PTN: variants seen among roughly 807,000 people sequenced by gnomAD.
PTN encodes the protein pleiotrophin.
In PTN, 18 loss-of-function variants were observed where a neutral mutation model predicts 24.1. That is an observed-to-expected ratio of 0.75 (90% CI 0.52 to 1.11). The LOEUF (loss-of-function observed/expected upper bound fraction) is 1.11. Among genes scored for constraint, PTN ranks in the 50% least tolerant of loss-of-function variants. The probability of loss-of-function intolerance (pLI) is 0.00; values close to 1 mark genes in which losing one functional copy is unlikely to be tolerated. For missense variants in PTN, 163 were observed against 198.8 expected (o/e 0.82, Z 1.08); for synonymous variants, 78 against 68.6 (o/e 1.14, Z -0.67).
At chr7:137,247,607 C>T (rs1051461532) in intron 4 of PTN, among the ~76,000 whole-genome samples, 1 of 152,032 alleles carries the variant, frequency 6.6e-6, no homozygotes, top group African/African-American at 2.4e-5. Context: ...AACAGGGTGA[C>T]TATATAGTCA....
At chr7:137,316,951 C>T (rs1810083223) in intron 1 of PTN, among the ~76,000 whole-genome samples, 1 of 152,152 alleles carries the variant, frequency 6.6e-6, no homozygotes, top group Non-Finnish European at 1.5e-5. Flanking sequence ...AGTGGAACTG[C>T]TCACAATTAA....
At chr7:137,293,747 G>T (rs1809676307) in intron 1 of PTN, among the ~76,000 whole-genome samples, 1 of 152,020 alleles carries the variant, frequency 6.6e-6, no homozygotes, top group Non-Finnish European at 1.5e-5. Flanking sequence ...CACCAGAGTG[G>T]TACATATGTT....
At chr7:137,306,266 G>C (rs1809886265) in intron 1 of PTN, among the ~76,000 whole-genome samples, 1 of 151,976 alleles carries the variant, frequency 6.6e-6, no homozygotes, top group Non-Finnish European at 1.5e-5. Flanking sequence ...GAAATTGATG[G>C]GCTCTAAGTC....
chr7:137,287,246 C>T (rs553049339), intron 1 of PTN, among the ~76,000 whole-genome samples: 2 of 152,238 alleles, frequency 1.3e-5, no homozygotes, highest in African/African-American at 4.8e-5. Flanking sequence ...TTCACATGCA[C>T]AATTTATGAA....
intron 1 of PTN, among the ~76,000 whole-genome samples, chr7:137,274,143 A>G (rs1417893445): frequency 6.6e-6 from 1 of 152,084 alleles, no homozygotes; most frequent in Admixed American, 6.5e-5. Flanking sequence ...GGGTTGCAGC[A>G]AGGCATTAAG....
intron 1 of PTN, among the ~76,000 whole-genome samples, chr7:137,278,306 C>CAAAAAAAAAAAAAAAAAAAA (rs71176391): frequency 1.6e-5 from 1 of 62,844 alleles, no homozygotes; most frequent in Non-Finnish European, 2.7e-5. Context: ...GACTCCGTCT[C>CAAAAAAAAAAAAAAAAAAAA]AAAAAAAAAA....
chr7:137,320,685 A>G (rs554980598), intron 1 of PTN, among the ~76,000 whole-genome samples: 8 of 152,344 alleles, frequency 5.3e-5, no homozygotes, highest in African/African-American at 1.7e-4. Context: ...ATGAACTTTT[A>G]TAACATAATA....
At chr7:137,246,504 A>C (rs912981606) in intron 4 of PTN, among the ~76,000 whole-genome samples, 23 of 152,178 alleles carry the variant, frequency 1.5e-4, no homozygotes, top group African/African-American at 4.8e-4. Context: ...GATTTTCCTC[A>C]TGACTGCAAT....
chr7:137,247,687 C>T (rs1331138811), intron 4 of PTN, among the ~76,000 whole-genome samples: 3 of 152,086 alleles, frequency 2.0e-5, no homozygotes, highest in South Asian at 2.1e-4. Context: ...AGGATAAATG[C>T]TTGAGGGGAT....
At position 137,264,896 on chromosome 7, in the gene PTN, C is replaced by G. The variant is rs75854811; in HGVS notation, c.-1-9922G>C. On this transcript the variant is annotated intron_variant, in intron 1 of 4. Transcript: ENST00000348225. The stretch of plus-strand genomic sequence containing the variant: ...AGACATGGGGGCCAGCCTTTGGAAA[C>G]CCCTTCTAGTGTTTTGAGAGATAGG... 4.9e-4 allele frequency among the ~76,000 whole-genome samples: 74 copies of G among 152,082 alleles called. 1 individual carries two copies. The highest frequency in any genetic ancestry group is 1.8e-3 in the African/African-American group (74 of 41,448).
At chr7:137,331,844 G>A (rs1810364681) in intron 1 of PTN, among the ~76,000 whole-genome samples, 1 of 152,156 alleles carries the variant, frequency 6.6e-6, no homozygotes, top group South Asian at 2.1e-4. Flanking sequence ...TACTCAGCTT[G>A]ACCTTTAACT....
intron 4 of PTN, among the ~76,000 whole-genome samples, chr7:137,235,810 C>T (rs1162066749): frequency 6.6e-6 from 1 of 152,110 alleles, no homozygotes; most frequent in East Asian, 1.9e-4. Context: ...CCTTCTACTC[C>T]TTCTACTCCT....
intron 1 of PTN, among the ~76,000 whole-genome samples, chr7:137,258,034 C>G (rs993302663): frequency 6.6e-6 from 1 of 152,124 alleles, no homozygotes; most frequent in Non-Finnish European, 1.5e-5. Context: ...CTATCACTGG[C>G]AAGTTTTAAC....
intron 4 of PTN, among the ~76,000 whole-genome samples, chr7:137,250,622 T>C (rs1456099714): frequency 6.6e-6 from 1 of 152,204 alleles, no homozygotes; most frequent in Non-Finnish European, 1.5e-5. Context: ...TTCATGGCCA[T>C]AATGATTGTT....
intron 1 of PTN, among the ~76,000 whole-genome samples, chr7:137,257,984 T>A (rs969316232): frequency 5.3e-5 from 8 of 152,268 alleles, no homozygotes; most frequent in African/African-American, 1.7e-4. Flanking sequence ...AACACACATA[T>A]ACACACACAT....
chr7:137,311,488 C>T (rs1402448369), intron 1 of PTN, among the ~76,000 whole-genome samples: 5 of 152,182 alleles, frequency 3.3e-5, no homozygotes, highest in African/African-American at 1.2e-4. Flanking sequence ...CCTATCTTGA[C>T]TTCTGATATG....
intron 4 of PTN, among the ~76,000 whole-genome samples, chr7:137,240,083 C>T (rs1374445818): frequency 1.3e-5 from 2 of 152,164 alleles, no homozygotes; most frequent in Non-Finnish European, 2.9e-5. Context: ...AGGCTTTCCC[C>T]GATTACTCTA....
At chr7:137,229,197 T>C (rs1808387586) in intron 4 of PTN, among the ~76,000 whole-genome samples, 1 of 151,880 alleles carries the variant, frequency 6.6e-6, no homozygotes, top group Non-Finnish European at 1.5e-5. Flanking sequence ...GGTTAGCATT[T>C]ATCATTAGGG....
At chr7:137,311,455 G>C (rs192584900) in intron 1 of PTN, among the ~76,000 whole-genome samples, 13 of 152,074 alleles carry the variant, frequency 8.5e-5, no homozygotes, top group Admixed American at 7.9e-4. Context: ...TTGGCTGTTT[G>C]GCATGAAAGG....
Sources: allele counts gnomAD v4.1 joint callset (sites outside exome capture counted in the v4.1 genomes callset), GRCh38; gene constraint gnomAD v4.1.1; transcripts MANE v1.5; gene names NCBI Gene and HGNC (gene_info 2026-07-23, HGNC 2026-07-21).